ATP8B4: variants seen among roughly 807,000 people sequenced by gnomAD.
ATP8B4 encodes the protein probable phospholipid-transporting ATPase IM.
A neutral mutation model predicts 145.6 loss-of-function variants in ATP8B4; 133 were observed. That is an observed-to-expected ratio of 0.91 (90% CI 0.79 to 1.05). ATP8B4 has a LOEUF of 1.05. Ranked by LOEUF, ATP8B4 falls within the 50% of genes least tolerant of loss-of-function variation. ATP8B4 has a pLI of 0.00. For synonymous variants in ATP8B4, 507 were observed against 492.9 expected (o/e 1.03, Z -0.38); for missense variants, 1,458 against 1,425.2 (o/e 1.02, Z -0.37).
chr15:50,062,215 G>A (rs1489941492), intron 3 of ATP8B4, among the ~76,000 whole-genome samples: 1 of 152,130 alleles, frequency 6.6e-6, no homozygotes, highest in Non-Finnish European at 1.5e-5. Context: ...GATCATGAGG[G>A]CAGTTTCTAA....
At chr15:50,081,341 T>C (rs1432855675) in intron 2 of ATP8B4, among the ~76,000 whole-genome samples, 1 of 152,116 alleles carries the variant, frequency 6.6e-6, no homozygotes, top group Admixed American at 6.5e-5. Flanking sequence ...AATCCTTTTT[T>C]AAAAAACTGA....
chr15:50,180,921 A>T (rs1009813670), intron 1 of ATP8B4, among the ~76,000 whole-genome samples: 1 of 152,122 alleles, frequency 6.6e-6, no homozygotes, highest in Non-Finnish European at 1.5e-5. Flanking sequence ...CACACACCGA[A>T]AAAAAAAGAG....
At chr15:49,941,492 C>T (rs1486225929) in intron 14 of ATP8B4, among the ~76,000 whole-genome samples, 1 of 152,124 alleles carries the variant, frequency 6.6e-6, no homozygotes, top group Non-Finnish European at 1.5e-5. Context: ...CAAAATGAAC[C>T]TTCTGCAATT....
intron 12 of ATP8B4, among the ~76,000 whole-genome samples, 161 bp from the exon 13 acceptor site, chr15:49,972,951 A>G (rs1049605816): frequency 2.0e-5 from 3 of 152,228 alleles, no homozygotes; most frequent in African/African-American, 7.2e-5. Flanking sequence ...GCTTCTCAAC[A>G]GAGTCTGTTT....
intron 7 of ATP8B4, 97 bp downstream of exon 7, chr15:50,010,748 G>T (rs2048668823): frequency 1.4e-6 from 1 of 697,872 alleles, no homozygotes; most frequent in Non-Finnish European, 2.2e-6. Flanking sequence ...AATTATTCTG[G>T]ATTAGTAAGG....
intron 1 of ATP8B4, among the ~76,000 whole-genome samples, chr15:50,149,119 T>G (rs2044314747): frequency 6.6e-6 from 1 of 152,176 alleles, no homozygotes; most frequent in Admixed American, 6.5e-5. Context: ...GGGTTAAATG[T>G]GAATGTGGTG....
At chr15:49,961,289 T>C (rs1041420848) in intron 14 of ATP8B4, among the ~76,000 whole-genome samples, 4 of 152,194 alleles carry the variant, frequency 2.6e-5, no homozygotes, top group African/African-American at 9.7e-5. Context: ...ATCATAAACT[T>C]TGATAAAACA....
chr15:50,100,229 A>G lies in ATP8B4; in HGVS notation c.28+6710T>C, dbSNP rs571720602. On this transcript the variant is annotated intron_variant, in intron 2 of 27. Transcript: ENST00000284509. The stretch of plus-strand genomic sequence containing the variant: ...ATAGAAATGTAAGGGCAACTTTATT[A>G]AAGGCTGCAGACGTGAACTTTCTCA... Among the ~76,000 whole-genome samples, 7 of 152,250 alleles carry G rather than the reference A, an allele frequency of 4.6e-5. 1 individual carries two copies. The South Asian group carries it at 1.5e-3, about 32-fold the overall frequency.
chr15:49,897,461 G>C lies in ATP8B4; in HGVS notation c.2528C>G (p.Ala843Gly). 1.3e-6 allele frequency: 2 copies of C among 1,596,350 alleles called. No individual in the cohort carries two copies. Among genetic ancestry groups the C allele is most frequent in the Non-Finnish European group, 1.7e-6 (2 of 1,171,476 alleles). The stretch of plus-strand genomic sequence containing the variant: ...AAACTGTGCAAATGAATAGTCGCTG[G>C]CTAAGACTGCTTGCAATCCTTCCTG... ...SGQEGLQAVLASDYSFAQFRY... is the reference protein window; with the variant it reads ...SGQEGLQAVLGSDYSFAQFRY... The change falls in exon 23 of 28, where the codon GCC becomes GGC. Residue 843 changes from alanine to glycine, a missense_variant. Ala to Gly is a moderately conservative substitution (Grantham distance 60, BLOSUM62 0). Coordinates refer to ENST00000284509, the MANE Select transcript of ATP8B4 (RefSeq NM_024837.4).
intron 2 of ATP8B4, among the ~76,000 whole-genome samples, chr15:50,081,770 C>T (rs988557331): frequency 8.5e-5 from 13 of 152,160 alleles, no homozygotes; most frequent in African/African-American, 3.1e-4. Context: ...AGTATGAATC[C>T]CTAATTAACA....
At chr15:50,120,833 T>A (rs761458358), upstream of ATP8B4, among the ~76,000 whole-genome samples, 7 of 152,194 alleles carry the variant, frequency 4.6e-5, no homozygotes, top group Non-Finnish European at 8.8e-5. Flanking sequence ...AATCAGGTCA[T>A]CTGAGTTTAG....
chr15:50,065,121 TAA>T (rs1478278126), intron 3 of ATP8B4, among the ~76,000 whole-genome samples: 1 of 152,144 alleles, frequency 6.6e-6, no homozygotes, highest in Non-Finnish European at 1.5e-5. Flanking sequence ...AAAAAAATGA[TAA>T]GTTATGTGAG....
chr15:49,983,443 C>A (rs552642231), intron 10 of ATP8B4, among the ~76,000 whole-genome samples: 2 of 152,126 alleles, frequency 1.3e-5, no homozygotes, highest in African/African-American at 2.4e-5. Context: ...GTCAATTCAA[C>A]TTTCTAAACT....
intron 16 of ATP8B4, among the ~76,000 whole-genome samples, chr15:49,927,971 T>C (rs923057828): frequency 1.4e-4 from 21 of 152,178 alleles, no homozygotes; most frequent in African/African-American, 5.1e-4. Flanking sequence ...AAAACCCTAC[T>C]GTTACGTATA....
At chr15:49,891,443 A>G (rs1432017894) in intron 23 of ATP8B4, among the ~76,000 whole-genome samples, 1 of 152,074 alleles carries the variant, frequency 6.6e-6, no homozygotes, top group African/African-American at 2.4e-5. Flanking sequence ...CTCCTACCTC[A>G]GCCTCCTAAG....
At position 49,859,769 on chromosome 15, in the gene ATP8B4, G is replaced by C. The variant is rs950906027; in HGVS notation, c.*425C>G. ...TACCTTGGGAAAGGCTGATCTTACA[G>C]ATACATGTTTATCTGTCAATAGGCA... On this transcript the variant is annotated 3_prime_UTR_variant, in exon 28 of 28. Coordinates refer to ENST00000284509, the MANE Select transcript of ATP8B4 (RefSeq NM_024837.4). 1.2e-5 allele frequency: 2 copies of C among 160,908 alleles called. No individual in the cohort carries two copies. The highest frequency in any genetic ancestry group is 4.8e-5 in the African/African-American group (2 of 41,612). 10.0% of individuals were successfully genotyped at this position (160,908 alleles called of 1,614,324 possible). A position where few individuals can be genotyped will look rare whatever the true frequency, so the allele number is the denominator to read the frequency against.
rs937128876 is a variant in ATP8B4, at chr15:49,979,750, G to C, written c.901C>G (p.Gln301Glu). 6.2e-7 allele frequency: 1 copy of C among 1,610,946 alleles called. No individual in the cohort carries two copies. The highest frequency in any genetic ancestry group is 8.5e-7 in the Non-Finnish European group (1 of 1,177,770). Residue 301 changes from glutamine to glutamate, a missense_variant, in exon 12 of 28, where the codon CAA (glutamine) becomes GAA (glutamate). Transcript: ENST00000284509. ...AAAGTTCTGAATTGGTCCCCAGTTTGACTCTCCCAGATTGAATTTCCTATT... is the reference window on the plus strand; with the variant it reads ...AAAGTTCTGAATTGGTCCCCAGTTTCACTCTCCCAGATTGAATTTCCTATT... ...LAIGNSIWES[Q>E]TGDQFRTFLF...
intron 2 of ATP8B4, among the ~76,000 whole-genome samples, chr15:50,100,843 T>C (rs1458775037): frequency 1.3e-5 from 2 of 152,178 alleles, no homozygotes; most frequent in African/African-American, 4.8e-5. Flanking sequence ...TAAAATGAAG[T>C]TCTGTGTGAG....
intron 14 of ATP8B4, among the ~76,000 whole-genome samples, chr15:49,936,796 G>A (rs2041772182): frequency 6.6e-6 from 1 of 151,962 alleles, no homozygotes; most frequent in African/African-American, 2.4e-5. Flanking sequence ...TTTTGGATCT[G>A]CCAGTTGACC....
Sources: allele counts gnomAD v4.1 joint callset (sites outside exome capture counted in the v4.1 genomes callset), GRCh38; gene constraint gnomAD v4.1.1; transcripts MANE v1.5; gene names NCBI Gene and HGNC (gene_info 2026-07-23, HGNC 2026-07-21).